Variants in POLA1 observed in about 807,000 individuals in gnomAD.
POLA1 encodes DNA polymerase alpha catalytic subunit.
In POLA1, 15 loss-of-function variants were observed where a neutral mutation model predicts 124.0. The observed-to-expected ratio is 0.12, with a 90% CI of 0.08 to 0.19. The LOEUF is 0.19. POLA1 is among the 10% of genes least tolerant of loss of function. POLA1 has a pLI of 1.00. For missense variants in POLA1, 886 were observed against 1,103.4 expected (o/e 0.80, Z 2.79); for synonymous variants, 408 against 389.4 (o/e 1.05, Z -0.56).
intron 26 of POLA1, among the ~76,000 whole-genome samples, chrX:24,771,529 G>C (rs2045035284): frequency 9.0e-6 from 1 of 111,460 alleles, no homozygotes; most frequent in South Asian, 3.8e-4. Context: ...ATGTAACCAT[G>C]TCAGGATTTT....
intron 34 of POLA1, among the ~76,000 whole-genome samples, chrX:24,865,284 A>G (rs1000580977): frequency 2.7e-5 from 3 of 112,419 alleles, no homozygotes; most frequent in African/African-American, 9.7e-5. Context: ...AGCTAGTGGT[A>G]ATATGAATCA....
At chrX:24,941,977 G>A (rs2047912905) in intron 36 of POLA1, among the ~76,000 whole-genome samples, 1 of 112,118 alleles carries the variant, frequency 8.9e-6, no homozygotes, top group South Asian at 3.7e-4. Context: ...AGGTCTGTGT[G>A]TAAGTCTGTT....
At chrX:24,734,231 G>C (rs2148377236) in intron 17 of POLA1, 1 of 112,729 alleles carries the variant, frequency 8.9e-6, no homozygotes, top group African/African-American at 3.3e-5. Flanking sequence ...ACATGGGGTT[G>C]GCCAAAATGG....
chrX:24,702,098 C>G lies in POLA1; in HGVS notation c.169-1153C>G, dbSNP rs566701044. Among the ~76,000 whole-genome samples, 473 of 101,459 alleles carry G rather than the reference C, an allele frequency of 4.7e-3. 1 individual carries two copies. The highest frequency in any genetic ancestry group is 6.7e-3 in the Non-Finnish European group (335 of 50,109). 88.1% of individuals were successfully genotyped at this position (101,459 alleles called of 115,157 possible). Reference sequence around the variant, plus strand: ...TTTTTTTGAGATGGAGACTCGGTCTCTTACCCAGGCTGGAGTGCAGTGCAT... The same window carrying G: ...TTTTTTTGAGATGGAGACTCGGTCTGTTACCCAGGCTGGAGTGCAGTGCAT... On this transcript the variant is annotated intron_variant, in intron 2 of 36. Coordinates refer to ENST00000379068, the MANE Select transcript of POLA1 (RefSeq NM_001330360.2).
At chrX:24,840,974 A>T (rs776920034) in intron 32 of POLA1, among the ~76,000 whole-genome samples, 12 of 112,524 alleles carry the variant, frequency 1.1e-4, no homozygotes, top group African/African-American at 3.9e-4. Context: ...GCATTGATTG[A>T]TTTCTTATGT....
chrX:24,719,496 G>A (rs1296353539), intron 10 of POLA1, among the ~76,000 whole-genome samples: 1 of 111,593 alleles, frequency 9.0e-6, no homozygotes, highest in Admixed American at 9.5e-5. Context: ...TTACTCTGCT[G>A]GAAGTCTGGC....
intron 36 of POLA1, among the ~76,000 whole-genome samples, chrX:24,969,034 C>T (rs1216535940): frequency 9.1e-6 from 1 of 110,384 alleles, no homozygotes; most frequent in East Asian, 2.9e-4. Context: ...TAGTGAAACC[C>T]CATCTCTACT....
rs766234556 is a variant in POLA1, at chrX:24,843,534, T to G, written c.3916-12T>G. The stretch of plus-strand genomic sequence containing the variant: ...ACAGTAATTTTTTGTATACTTCTCC[T>G]GACTTATGTAGGGAACAGATATGGA... On this transcript the variant is annotated splice_polypyrimidine_tract_variant and intron_variant, in intron 33 of 36. Coordinates refer to ENST00000379068, the MANE Select transcript of POLA1 (RefSeq NM_001330360.2). 2 of 1,163,350 alleles carry G rather than the reference T, an allele frequency of 1.7e-6. No homozygotes were observed. The highest frequency in any genetic ancestry group is 1.1e-6 in the Non-Finnish European group (1 of 871,690).
At chrX:24,802,240 G>A (rs1009472416) in intron 26 of POLA1, among the ~76,000 whole-genome samples, 1 of 110,602 alleles carries the variant, frequency 9.0e-6, no homozygotes, top group Non-Finnish European at 1.9e-5. Context: ...CTAGACTGGT[G>A]TTTGACCAAA....
chrX:24,896,331 CTACA>C (rs1217532179), intron 35 of POLA1, among the ~76,000 whole-genome samples: 1 of 112,032 alleles, frequency 8.9e-6, no homozygotes, highest in East Asian at 2.8e-4. Context: ...AAACTTTGGA[CTACA>C]GTAACCTGTC....
chrX:24,785,529 G>A (rs2148458934), intron 26 of POLA1, among the ~76,000 whole-genome samples: 1 of 112,177 alleles, frequency 8.9e-6, no homozygotes, highest in Non-Finnish European at 1.9e-5. Context: ...AAAAACAAGA[G>A]CAAAGTACCA....
intron 36 of POLA1, among the ~76,000 whole-genome samples, chrX:24,957,111 A>C (rs2048115228): frequency 8.9e-6 from 1 of 111,806 alleles, no homozygotes; most frequent in East Asian, 2.8e-4. Context: ...GGAATGGTTC[A>C]AGATTTTAGT....
At chrX:24,877,927 GT>G (rs1454970867) in intron 34 of POLA1, among the ~76,000 whole-genome samples, 3 of 79,935 alleles carry the variant, frequency 3.8e-5, no homozygotes, top group Non-Finnish European at 4.9e-5. Context: ...TTTTTTTTTT[GT>G]TTTTTTTTTA....
intron 32 of POLA1, among the ~76,000 whole-genome samples, chrX:24,830,010 C>T (rs1301301930): frequency 8.9e-6 from 1 of 111,763 alleles, no homozygotes; most frequent in Non-Finnish European, 1.9e-5. Flanking sequence ...TAGTTTTTAT[C>T]TTTGATTAAT....
At chrX:24,877,927 G>T (rs199518412) in intron 34 of POLA1, among the ~76,000 whole-genome samples, 176 of 79,688 alleles carry the variant, frequency 2.2e-3, no homozygotes, top group Admixed American at 4.2e-3. Flanking sequence ...TTTTTTTTTT[G>T]TTTTTTTTTT....
intron 32 of POLA1, 35 bp downstream of exon 32, chrX:24,826,636 G>C: frequency 1.0e-6 from 1 of 984,592 alleles, no homozygotes. Context: ...ACCTCACATG[G>C]TAACAGGGGC....
chrX:24,843,936 G>A (rs1470225311), intron 34 of POLA1, among the ~76,000 whole-genome samples: 2 of 111,553 alleles, frequency 1.8e-5, no homozygotes, highest in East Asian at 2.8e-4. Context: ...TTTAGAAAAA[G>A]CCAGAATATA....
intron 26 of POLA1, chrX:24,788,608 A>G (rs2045419884): frequency 8.4e-7 from 1 of 1,189,921 alleles, no homozygotes; most frequent in African/African-American, 1.8e-5. Flanking sequence ...ATTTCGCCAT[A>G]TCTGTCTCAT....
intron 32 of POLA1, among the ~76,000 whole-genome samples, chrX:24,837,553 T>A (rs1031199810): frequency 3.4e-4 from 38 of 112,251 alleles, no homozygotes; most frequent in African/African-American, 1.2e-3. Context: ...ATAAAGCTGC[T>A]ATGAGCATTC....
Sources: allele counts gnomAD v4.1 joint callset (sites outside exome capture counted in the v4.1 genomes callset), GRCh38; gene constraint gnomAD v4.1.1; transcripts MANE v1.5; gene names NCBI Gene and HGNC (gene_info 2026-07-23, HGNC 2026-07-21).